The following LHFPL3 variants were observed in gnomAD, a reference collection of about 807,000 sequenced individuals.
LHFPL3 encodes the protein LHFPL tetraspan subfamily member 3 protein.
In LHFPL3, 5 loss-of-function variants were observed where a neutral mutation model predicts 19.3. The observed-to-expected ratio is 0.26, with a 90% CI of 0.14 to 0.54. LHFPL3 has a LOEUF of 0.54. LHFPL3 is among the 20% of genes least tolerant of loss of function. The probability of loss-of-function intolerance (pLI) is 0.94; values close to 1 mark genes in which losing one functional copy is unlikely to be tolerated. For synonymous variants in LHFPL3, 133 were observed against 126.2 expected, an observed-to-expected ratio of 1.05 and a Z score of -0.36; for missense variants, 249 against 307.4, an observed-to-expected ratio of 0.81 and a Z score of 1.42.
At chr7:104,430,125 G>A (rs933655806) in intron 1 of LHFPL3, among the ~76,000 whole-genome samples, 3 of 142,466 alleles carry the variant, frequency 2.1e-5, no homozygotes, top group Non-Finnish European at 4.5e-5. Flanking sequence ...AGTTAAAGAC[G>A]TTCTTTTAAA....
At chr7:104,338,914 T>A (rs974112878) in intron 1 of LHFPL3, among the ~76,000 whole-genome samples, 1 of 152,152 alleles carries the variant, frequency 6.6e-6, no homozygotes, top group African/African-American at 2.4e-5. Flanking sequence ...TGGACAGATA[T>A]TAAAAATCAC....
rs180797521 is a variant in LHFPL3 at position 104,592,553 on chromosome 7, C to G, written c.446-144122C>G. On this transcript the variant is annotated intron_variant, in intron 1 of 2. Transcript: ENST00000424859. ...TCTCCCAGTTAGGCCACTGGGGGAT[C>G]AGGGACCCACTTGAGGCAGTCTATC... Among the ~76,000 whole-genome samples, 128 of 152,280 alleles carry G rather than the reference C, an allele frequency of 8.4e-4. 1 individual carries two copies. The highest frequency in any genetic ancestry group is 2.9e-3 in the African/African-American group (121 of 41,554).
chr7:104,794,543 G>A (rs748510806), intron 2 of LHFPL3, among the ~76,000 whole-genome samples: 1 of 152,168 alleles, frequency 6.6e-6, no homozygotes, highest in Non-Finnish European at 1.5e-5. Flanking sequence ...AGTGATGTGT[G>A]CGATCACATT....
intron 1 of LHFPL3, among the ~76,000 whole-genome samples, chr7:104,362,182 G>C (rs1322777822): frequency 6.6e-6 from 1 of 152,192 alleles, no homozygotes; most frequent in South Asian, 2.1e-4. Context: ...AGAAATAATA[G>C]TGAGAGATCA....
chr7:104,448,411 T>C (rs960788515), intron 1 of LHFPL3, among the ~76,000 whole-genome samples: 2 of 152,166 alleles, frequency 1.3e-5, no homozygotes, highest in African/African-American at 4.8e-5. Context: ...AATTACCCAG[T>C]TTTGGTAAAC....
At chr7:104,860,060 C>A (rs1023108417) in intron 2 of LHFPL3, among the ~76,000 whole-genome samples, 1 of 152,106 alleles carries the variant, frequency 6.6e-6, no homozygotes, top group Admixed American at 6.5e-5. Context: ...TGCTTACTCA[C>A]CACTTGGCTT....
intron 1 of LHFPL3, among the ~76,000 whole-genome samples, chr7:104,690,065 G>T (rs1792880253): frequency 6.6e-6 from 1 of 152,238 alleles, no homozygotes; most frequent in Admixed American, 6.5e-5. Flanking sequence ...GCAGAGATTA[G>T]TGCCACCATC....
At chr7:104,686,971 A>G (rs1200182763) in intron 1 of LHFPL3, among the ~76,000 whole-genome samples, 2 of 152,242 alleles carry the variant, frequency 1.3e-5, no homozygotes, top group Non-Finnish European at 2.9e-5. Flanking sequence ...TCATGAGAAC[A>G]GCATGGGGCA....
chr7:104,873,786 A>C lies in LHFPL3; in HGVS notation c.683-32401A>C, dbSNP rs143670230. Among the ~76,000 whole-genome samples, 889 of 152,328 alleles carry C rather than the reference A, an allele frequency of 5.8e-3. 5 individuals are homozygous for C. The highest frequency in any genetic ancestry group is 0.028 in the South Asian group (136 of 4,826). ...GGTACTAACTGCAAACTGGCGTCTC[A>C]TGATGTTTGCCTTCGCAGAGTGGGA... On this transcript the variant is annotated intron_variant, in intron 2 of 2. Transcript: ENST00000424859.
intron 1 of LHFPL3, among the ~76,000 whole-genome samples, chr7:104,660,723 C>G (rs1360958155): frequency 6.6e-6 from 1 of 152,204 alleles, no homozygotes; most frequent in African/African-American, 2.4e-5. Context: ...TTAATAGCCA[C>G]ATCTGCATAG....
At chr7:104,661,234 A>G (rs4401767) in intron 1 of LHFPL3, among the ~76,000 whole-genome samples, 114,538 of 152,098 alleles carry the variant, frequency 0.75, 43,257 homozygotes, top group South Asian at 0.87. Context: ...CTACACACAG[A>G]AACCTCGTTG....
intron 2 of LHFPL3, among the ~76,000 whole-genome samples, chr7:104,763,429 T>G (rs939425206): frequency 2.6e-5 from 4 of 152,236 alleles, no homozygotes; most frequent in South Asian, 2.1e-4. Context: ...AAGGTAGATA[T>G]GCAGATTAAC....
At chr7:104,599,814 A>C (rs768159788) in intron 1 of LHFPL3, among the ~76,000 whole-genome samples, 8 of 152,184 alleles carry the variant, frequency 5.3e-5, no homozygotes, top group Non-Finnish European at 1.0e-4. Flanking sequence ...CCATCTAATC[A>C]ACCAAAGTGC....
In LHFPL3 at chr7:104,360,645, GA is replaced by G. The variant is rs574698277; in HGVS notation, c.445+31422del. Among the ~76,000 whole-genome samples the G allele has an allele frequency of 3.6e-3, 540 of 150,796 alleles. 5 individuals are homozygous for G. Among genetic ancestry groups the G allele is most frequent in the Non-Finnish European group, 4.5e-3 (306 of 67,882 alleles). On this transcript the variant is annotated intron_variant, in intron 1 of 2. Coordinates refer to ENST00000424859, the MANE Select transcript of LHFPL3 (RefSeq NM_199000.3). ...TAGTCATTATATTTTCAGCTTTAGGGAGGTTGATTTCCACAGTGAGTTGTTG... is the reference window on the plus strand; with the variant it reads ...TAGTCATTATATTTTCAGCTTTAGGGGGTTGATTTCCACAGTGAGTTGTTG...
In LHFPL3 at chr7:104,689,943, CA is replaced by C. The variant is rs1207018153; in HGVS notation, c.446-46731del. ...CAGAATCCCCACATTGGCTGCCTGA[CA>C]GGTAGGGTGAGGGCTATTGTGATGG... On this transcript the variant is annotated intron_variant, in intron 1 of 2. Transcript: ENST00000424859. Among the ~76,000 whole-genome samples the C allele has an allele frequency of 2.0e-5, 3 of 152,264 alleles. No homozygotes were observed. The East Asian group carries it at 5.8e-4, about 29-fold the overall frequency.
At chr7:104,624,998 A>G (rs928343569) in intron 1 of LHFPL3, among the ~76,000 whole-genome samples, 2 of 152,220 alleles carry the variant, frequency 1.3e-5, no homozygotes, top group Non-Finnish European at 2.9e-5. Flanking sequence ...CTTAAAGACT[A>G]TAAAGAAATA....
intron 2 of LHFPL3, among the ~76,000 whole-genome samples, chr7:104,833,400 TTATATATATATATATA>T (rs1408151955): frequency 1.6e-4 from 1 of 6,282 alleles, no homozygotes; most frequent in African/African-American, 4.5e-4. Flanking sequence ...GATATATATA[TTATATATATATATATA>T]ATATATATAT....
At chr7:104,581,012 A>G (rs900571465) in intron 1 of LHFPL3, among the ~76,000 whole-genome samples, 2 of 151,786 alleles carry the variant, frequency 1.3e-5, no homozygotes, top group African/African-American at 2.4e-5. Context: ...CTTTTTGTGG[A>G]TTTGTTCCAT....
chr7:104,698,874 G>C (rs1793049225), intron 1 of LHFPL3, among the ~76,000 whole-genome samples: 1 of 152,074 alleles, frequency 6.6e-6, no homozygotes, highest in African/African-American at 2.4e-5. Context: ...ATTTTAAATG[G>C]GCAAATAGCT....
Sources: allele counts gnomAD v4.1 joint callset (sites outside exome capture counted in the v4.1 genomes callset), GRCh38; gene constraint gnomAD v4.1.1; transcripts MANE v1.5; gene names NCBI Gene and HGNC (gene_info 2026-07-23, HGNC 2026-07-21).